The following NRG3 variants were observed in gnomAD, a reference collection of about 807,000 sequenced individuals.
NRG3 encodes neuregulin 3.
Under a neutral mutation model 66.9 loss-of-function variants are expected in NRG3, and 31 were observed. That is an observed-to-expected ratio of 0.46 (90% CI 0.35 to 0.63). The LOEUF (loss-of-function observed/expected upper bound fraction) is 0.63, where lower values mean the gene tolerates loss of function less well. Ranked by LOEUF, NRG3 falls within the 20% of genes least tolerant of loss-of-function variation. NRG3 has a pLI of 0.00. For missense variants in NRG3, 910 were observed against 878.9 expected, an observed-to-expected ratio of 1.04 and a Z score of -0.45; for synonymous variants, 393 against 359.4, an observed-to-expected ratio of 1.09 and a Z score of -1.06.
At chr10:82,956,843 A>G (rs1850096541) in intron 5 of NRG3, among the ~76,000 whole-genome samples, 1 of 151,978 alleles carries the variant, frequency 6.6e-6, no homozygotes, top group Non-Finnish European at 1.5e-5. Context: ...ATTTTTAACA[A>G]TAGGCTATAG....
At chr10:82,604,596 A>G (rs1182349508) in intron 2 of NRG3, among the ~76,000 whole-genome samples, 1 of 152,152 alleles carries the variant, frequency 6.6e-6, no homozygotes, top group Non-Finnish European at 1.5e-5. Context: ...ACTTGAGGAC[A>G]TGCTATGAAG....
chr10:82,438,206 A>G (rs1028811756), intron 2 of NRG3, among the ~76,000 whole-genome samples: 5 of 152,226 alleles, frequency 3.3e-5, no homozygotes, highest in Non-Finnish European at 7.3e-5. Context: ...TTAGGGGCTC[A>G]GGCCCAGGGA....
At chr10:81,923,043 T>C (rs1846399107) in intron 1 of NRG3, among the ~76,000 whole-genome samples, 1 of 152,236 alleles carries the variant, frequency 6.6e-6, no homozygotes, top group South Asian at 2.1e-4. Flanking sequence ...ATGCCTCTAG[T>C]AATTTTGGTA....
At chr10:82,314,785 G>C (rs2135037101) in intron 1 of NRG3, among the ~76,000 whole-genome samples, 1 of 152,256 alleles carries the variant, frequency 6.6e-6, no homozygotes, top group Middle Eastern at 3.4e-3. Context: ...ACTCCAGCCT[G>C]GGTGACAGAG....
rs754599007 is a variant in NRG3 at position 82,985,480 on chromosome 10, G to A, written c.1966G>A (p.Glu656Lys). 7.4e-6 allele frequency: 12 copies of A among 1,614,066 alleles called. No homozygotes were observed. Among genetic ancestry groups the A allele is most frequent in the Non-Finnish European group, 8.5e-6 (10 of 1,180,010 alleles). Residue 656 changes from glutamate (E) to lysine (K), a missense_variant, in exon 9 of 9, where the codon GAA (glutamate) becomes AAA (lysine). Glu to Lys is a moderately conservative substitution (Grantham distance 56, BLOSUM62 1). Transcript: ENST00000372141. ...RSEDYELASV[E>K]TEDSASENTA... The stretch of plus-strand genomic sequence containing the variant: ...AGAAGACTACGAACTGGCCAGCGTA[G>A]AAACCGAGGACAGTGCAAGCGAAAA...
At chr10:82,722,760 G>A (rs1254079191) in intron 2 of NRG3, among the ~76,000 whole-genome samples, 1 of 152,096 alleles carries the variant, frequency 6.6e-6, no homozygotes, top group African/African-American at 2.4e-5. Flanking sequence ...TACTGATAAT[G>A]AGAATGAAAG....
At chr10:82,713,788 A>G (rs2056814058) in intron 2 of NRG3, among the ~76,000 whole-genome samples, 2 of 152,136 alleles carry the variant, frequency 1.3e-5, no homozygotes, top group Non-Finnish European at 2.9e-5. Flanking sequence ...TCACAATGCT[A>G]CCTCTCTCCC....
At chr10:82,808,612 T>A (rs2061377418) in intron 3 of NRG3, among the ~76,000 whole-genome samples, 1 of 152,158 alleles carries the variant, frequency 6.6e-6, no homozygotes, top group Admixed American at 6.5e-5. Context: ...TGTTATTTTT[T>A]AGAAATACTT....
chr10:82,280,935 G>A (rs1011792406), intron 1 of NRG3, among the ~76,000 whole-genome samples: 18 of 152,156 alleles, frequency 1.2e-4, no homozygotes, highest in Non-Finnish European at 1.9e-4. Context: ...GGGGGGATGT[G>A]GGATGTTTGG....
intron 2 of NRG3, among the ~76,000 whole-genome samples, chr10:82,445,133 A>G (rs1353118769): frequency 7.5e-6 from 1 of 132,700 alleles, no homozygotes; most frequent in Non-Finnish European, 1.5e-5. Flanking sequence ...GGCTGTCCCC[A>G]TGCCAGTTTT....
intron 4 of NRG3, among the ~76,000 whole-genome samples, chr10:82,925,174 AG>A (rs1846859637): frequency 6.6e-6 from 1 of 152,286 alleles, no homozygotes; most frequent in African/African-American, 2.4e-5. Flanking sequence ...ACTGACTCCA[AG>A]GAGGATGGCC....
chr10:82,099,368 T>C (rs1488308933), intron 1 of NRG3, among the ~76,000 whole-genome samples: 1 of 152,212 alleles, frequency 6.6e-6, no homozygotes, highest in Non-Finnish European at 1.5e-5. Context: ...TGAACATATA[T>C]ATGTGGGTTT....
chr10:82,962,540 T>G (rs1217543998), intron 6 of NRG3, among the ~76,000 whole-genome samples: 1 of 151,932 alleles, frequency 6.6e-6, no homozygotes, highest in Non-Finnish European at 1.5e-5. Flanking sequence ...AGAGGAATAA[T>G]AAGAATTTAA....
At chr10:82,430,359 G>A (rs768413280) in intron 2 of NRG3, among the ~76,000 whole-genome samples, 1 of 151,892 alleles carries the variant, frequency 6.6e-6, no homozygotes, top group South Asian at 2.1e-4. Context: ...CTGGGTTCAC[G>A]CCATTCTCCT....
At chr10:82,217,631 A>G (rs912102710) in intron 1 of NRG3, among the ~76,000 whole-genome samples, 1 of 152,214 alleles carries the variant, frequency 6.6e-6, no homozygotes, top group Non-Finnish European at 1.5e-5. Context: ...AAAATCATGT[A>G]AAGTTATTTC....
intron 2 of NRG3, among the ~76,000 whole-genome samples, chr10:82,658,879 C>T (rs898704641): frequency 2.6e-5 from 4 of 152,068 alleles, no homozygotes; most frequent in African/African-American, 9.7e-5. Flanking sequence ...TCATTTTTCA[C>T]ATGGGAAGTA....
chr10:82,274,439 TTTC>T (rs1193449554), intron 1 of NRG3, among the ~76,000 whole-genome samples: 1 of 48,742 alleles, frequency 2.1e-5, no homozygotes, highest in Admixed American at 1.9e-4. Context: ...TTATTGCTGC[TTTC>T]TTCTTAAAAT....
chr10:82,035,501 G>A (rs1296969368), intron 1 of NRG3, among the ~76,000 whole-genome samples: 1 of 152,064 alleles, frequency 6.6e-6, no homozygotes, highest in African/African-American at 2.4e-5. Flanking sequence ...ATAAACTGTA[G>A]CCTAGGCATC....
intron 1 of NRG3, among the ~76,000 whole-genome samples, chr10:81,990,679 G>A (rs927295400): frequency 3.9e-5 from 6 of 151,998 alleles, no homozygotes; most frequent in Non-Finnish European, 8.8e-5. Context: ...GAAGGTTTTC[G>A]ATGGAATTCC....
Sources: gnomAD v4.1 joint callset for allele counts (sites outside exome capture counted in the v4.1 genomes callset) on GRCh38, gnomAD v4.1.1 for gene constraint, MANE v1.5 for transcripts, NCBI Gene and HGNC (gene_info 2026-07-23, HGNC 2026-07-21) for gene names.